Variants in ABCA13 observed in about 807,000 individuals in gnomAD.
ABCA13 encodes the protein ATP-binding cassette sub-family A member 13.
Under a neutral mutation model 478.7 loss-of-function variants are expected in ABCA13, and 476 were observed. The ratio of observed to expected loss-of-function variants is 0.99; its 90% CI spans 0.92 to 1.07. The LOEUF (loss-of-function observed/expected upper bound fraction) is 1.07. Among genes scored for constraint, ABCA13 ranks in the 50% least tolerant of loss-of-function variants. The probability of loss-of-function intolerance (pLI) is 0.00; values close to 1 mark genes in which losing one functional copy is unlikely to be tolerated. For synonymous variants in ABCA13, 2,252 were observed against 2,158.9 expected, an observed-to-expected ratio of 1.04 and a Z score of -1.20; for missense variants, 6,060 against 5,910.6, an observed-to-expected ratio of 1.03 and a Z score of -0.83.
At chr7:48,604,877 T>C (rs1451758653) in intron 58 of ABCA13, among the ~76,000 whole-genome samples, 1 of 152,186 alleles carries the variant, frequency 6.6e-6, no homozygotes, top group Admixed American at 6.5e-5. Context: ...TCTTTGTAGG[T>C]CTCTAAGAAT....
chr7:48,183,020 A>T (rs1376382615), intron 1 of ABCA13, among the ~76,000 whole-genome samples: 1 of 152,230 alleles, frequency 6.6e-6, no homozygotes, highest in Non-Finnish European at 1.5e-5. Flanking sequence ...GAGACACAAT[A>T]GAATTTCATG....
intron 54 of ABCA13, among the ~76,000 whole-genome samples, chr7:48,527,733 G>GA (rs1563396893): frequency 6.6e-6 from 1 of 151,988 alleles, no homozygotes; most frequent in African/African-American, 2.4e-5. Flanking sequence ...CTCTTCAATG[G>GA]AAAAAGAAGA....
chr7:48,542,994 A>G (rs2131140155), intron 55 of ABCA13, among the ~76,000 whole-genome samples: 1 of 151,984 alleles, frequency 6.6e-6, no homozygotes, highest in East Asian at 1.9e-4. Context: ...AAATCAAAAT[A>G]TAAAAAAGGT....
At chr7:48,578,211 TC>T (rs1400597478) in intron 55 of ABCA13, among the ~76,000 whole-genome samples, 24 of 152,096 alleles carry the variant, frequency 1.6e-4, no homozygotes, top group African/African-American at 5.5e-4. Flanking sequence ...CAGCAAGCAG[TC>T]CTACGTAATG....
Position 48,471,587 on chromosome 7 carries a change from A to T in ABCA13, c.12963A>T (p.Ser4321=), listed in dbSNP as rs760235400. ...DPFSHPEFQD[S]CGCLKCPNRS... ...TTTCTCACCCAGAATTCCAGGATTC[A>T]TGTGGCTGCCTGGTAGGTTTCTGCA... The change falls in exon 45 of 62, where the codon TCA becomes TCT. Residue 4321 remains serine, a synonymous_variant. Transcript: ENST00000435803. 6.4e-7 allele frequency: 1 copy of T among 1,563,610 alleles called. No homozygotes were observed.
intron 19 of ABCA13, among the ~76,000 whole-genome samples, chr7:48,285,355 GGGA>G (rs1562967342): frequency 6.6e-5 from 10 of 152,208 alleles, no homozygotes; most frequent in Non-Finnish European, 1.3e-4. Flanking sequence ...GCCAGGGATT[GGGA>G]GAGGCAATGA....
intron 42 of ABCA13, among the ~76,000 whole-genome samples, chr7:48,440,144 A>G (rs1243529588): frequency 6.6e-6 from 1 of 152,198 alleles, no homozygotes; most frequent in Non-Finnish European, 1.5e-5. Flanking sequence ...CATACATCTT[A>G]TAGTAAATGG....
chr7:48,349,104 A>G (rs1808542521), intron 29 of ABCA13, among the ~76,000 whole-genome samples: 1 of 152,234 alleles, frequency 6.6e-6, no homozygotes, highest in Non-Finnish European at 1.5e-5. Flanking sequence ...GGGTTCAGTG[A>G]GACAATACAC....
intron 15 of ABCA13, among the ~76,000 whole-genome samples, chr7:48,250,721 A>G (rs1003686139): frequency 2.0e-5 from 3 of 152,188 alleles, no homozygotes; most frequent in African/African-American, 7.2e-5. Context: ...CCTGTTCCCC[A>G]GAGATCTACT....
chr7:48,387,366 A>C (rs996956191), intron 35 of ABCA13, among the ~76,000 whole-genome samples: 2 of 152,188 alleles, frequency 1.3e-5, no homozygotes, highest in Non-Finnish European at 2.9e-5. Context: ...ATTATGAATT[A>C]TTCTTCTTTA....
intron 19 of ABCA13, among the ~76,000 whole-genome samples, chr7:48,283,189 G>T (rs1009121821): frequency 6.6e-6 from 1 of 152,082 alleles, no homozygotes; most frequent in Non-Finnish European, 1.5e-5. Flanking sequence ...AAGAGGAAGG[G>T]TTACCGGCCC....
chr7:48,287,996 C>T lies in ABCA13; in HGVS notation c.8873C>T (p.Thr2958Ile), dbSNP rs542977641. ...TGGACCAAGGACATTTTGTGTGCTACTCTGAGTTGCAAGCAAAATGGGATA... is the reference window on the plus strand; with the variant it reads ...TGGACCAAGGACATTTTGTGTGCTATTCTGAGTTGCAAGCAAAATGGGATA... ...PSWTKDILCA[T>I]LSCKQNGIRH... Residue 2958 changes from threonine (T) to isoleucine (I), a missense_variant, in exon 20 of 62, where the codon ACT (threonine) becomes ATT (isoleucine). Physicochemically the swap from Thr to Ile is moderately conservative, Grantham distance 89. This residue lies in a region of ABCA13 where 4,423 missense variants were observed against 4,309.1 expected (regional missense o/e 1.03). Coordinates refer to ENST00000435803, the MANE Select transcript of ABCA13 (RefSeq NM_152701.5). 10 of 1,613,810 alleles carry T rather than the reference C, an allele frequency of 6.2e-6. No individual in the cohort carries two copies. Among genetic ancestry groups the T allele is most frequent in the Non-Finnish European group, 8.5e-6 (10 of 1,179,876 alleles).
chr7:48,396,799 A>T (rs1049768648), intron 38 of ABCA13, among the ~76,000 whole-genome samples: 2 of 152,186 alleles, frequency 1.3e-5, no homozygotes, highest in African/African-American at 4.8e-5. Context: ...TGTCACTAGC[A>T]ACCCACAGTG....
At chr7:48,247,099 G>A (rs1270147697) in intron 13 of ABCA13, among the ~76,000 whole-genome samples, 1 of 152,030 alleles carries the variant, frequency 6.6e-6, no homozygotes, top group East Asian at 1.9e-4. Flanking sequence ...TTAGCCAGAT[G>A]TGGTGGCACA....
chr7:48,521,624 G>A (rs1388958351), intron 53 of ABCA13, among the ~76,000 whole-genome samples: 1 of 152,026 alleles, frequency 6.6e-6, no homozygotes, highest in African/African-American at 2.4e-5. Context: ...TTATAAAACT[G>A]TAATGTAGGA....
intron 46 of ABCA13, 67 bp from the exon 47 acceptor site, chr7:48,483,009 A>G: frequency 7.5e-7 from 1 of 1,339,902 alleles, no homozygotes; most frequent in Non-Finnish European, 1.0e-6. Context: ...TTAGTAATGA[A>G]TACCCTCTGA....
At position 48,279,884 on chromosome 7, in the gene ABCA13, C is replaced by T; in HGVS notation, c.8690C>T (p.Thr2897Ile). ...TACCTGGGAGGATTATTTGTATTGA[C>T]TAAATACTGGCAACAAATCCCACTA... ...EKYLGGLFVL[T>I]KYWQQIPLTD... The change falls in exon 18 of 62, where the codon ACT (threonine) becomes ATT (isoleucine). Residue 2897 changes from threonine to isoleucine, a missense_variant. Thr to Ile is a moderately conservative substitution (Grantham distance 89). This residue lies in a region of ABCA13 where 4,423 missense variants were observed against 4,309.1 expected (regional missense o/e 1.03). Coordinates refer to ENST00000435803, the MANE Select transcript of ABCA13 (RefSeq NM_152701.5). 7 of 1,529,004 alleles carry T rather than the reference C, an allele frequency of 4.6e-6. No individual in the cohort carries two copies. Among genetic ancestry groups the T allele is most frequent in the Non-Finnish European group, 6.1e-6 (7 of 1,143,542 alleles). The allele number at this position is 1,529,004 out of a possible 1,614,324, so 94.7% of individuals were successfully genotyped here.
intron 55 of ABCA13, among the ~76,000 whole-genome samples, chr7:48,558,676 A>G (rs539163012): frequency 6.6e-6 from 1 of 152,316 alleles, no homozygotes; most frequent in East Asian, 1.9e-4. Context: ...TTTATCTGAT[A>G]GAATTCTGAA....
chr7:48,400,347 A>T (rs1489756329), intron 38 of ABCA13, among the ~76,000 whole-genome samples: 3 of 152,254 alleles, frequency 2.0e-5, no homozygotes, highest in African/African-American at 7.2e-5. Context: ...TGAATGGATG[A>T]TTAAAGAGCA....
Sources: gnomAD v4.1 joint callset for allele counts (sites outside exome capture counted in the v4.1 genomes callset) on GRCh38, gnomAD v4.1.1 for gene constraint, gnomAD v4.1.1 regional missense constraint, MANE v1.5 for transcripts, NCBI Gene and HGNC (gene_info 2026-07-23, HGNC 2026-07-21) for gene names.